The following MYO7B variants were observed in gnomAD, a reference collection of about 807,000 sequenced individuals.
MYO7B encodes unconventional myosin-VIIb.
Under a neutral mutation model 259.7 loss-of-function variants are expected in MYO7B, and 212 were observed. The ratio of observed to expected loss-of-function variants is 0.82; its 90% CI spans 0.73 to 0.91. MYO7B has a LOEUF of 0.91. Among genes scored for constraint, MYO7B ranks in the 40% least tolerant of loss-of-function variants. The pLI is 0.00. For synonymous variants in MYO7B, 1,197 were observed against 1,166.4 expected (o/e 1.03, Z -0.54); for missense variants, 2,732 against 2,813.5 (o/e 0.97, Z 0.66).
rs755647856 is a variant in MYO7B at position 127,607,331 on chromosome 2, G to C, written c.2550G>C (p.Gln850His). 6.4e-7 allele frequency: 1 copy of C among 1,551,454 alleles called. No individual in the cohort carries two copies. Among genetic ancestry groups the C allele is most frequent in the Non-Finnish European group, 8.7e-7 (1 of 1,146,868 alleles). The change falls in exon 21 of 48, where the codon CAG becomes CAC. Residue 850 changes from glutamine (Q) to histidine (H), a missense_variant. By Grantham distance (24) the Gln-to-His change is conservative. Transcript: ENST00000409816. The surrounding 1 kb of genome is among the most constrained non-coding windows in gnomAD (Gnocchi z 4.4). ...TGTGCAGGGGATACCTGGTGCGCCA[G>C]CAAGTCCAGGCCAAGAGGAGGGCAG... ...QALCRGYLVR[Q>H]QVQAKRRAVV...
At chr2:127,592,192 GAGACC>G (rs1332065036) in intron 16 of MYO7B, among the ~76,000 whole-genome samples, 1 of 152,158 alleles carries the variant, frequency 6.6e-6, no homozygotes, top group Non-Finnish European at 1.5e-5. Context: ...TCAGGAGTTG[GAGACC>G]AGCCTGGCCA....
At chr2:127,583,002 G>A (rs992982738) in intron 12 of MYO7B, among the ~76,000 whole-genome samples, 10 of 152,204 alleles carry the variant, frequency 6.6e-5, no homozygotes, top group Admixed American at 5.9e-4. Context: ...GGTGGTGAGG[G>A]GACCAGGCAA....
intron 20 of MYO7B, among the ~76,000 whole-genome samples, chr2:127,606,907 C>G (rs989176807): frequency 1.3e-5 from 2 of 152,252 alleles, no homozygotes; most frequent in Non-Finnish European, 2.9e-5. Flanking sequence ...CCATTTCACC[C>G]ATGTGAAATC....
In MYO7B at chr2:127,612,514, G is replaced by A. The variant is rs1174599393; in HGVS notation, c.3309G>A (p.Glu1103=). 3 of 1,567,840 alleles carry A rather than the reference G, an allele frequency of 1.9e-6. No homozygotes were observed. The African/African-American group carries it at 4.1e-5, about 21-fold the overall frequency. ...SQLNIGEEAL[E]PDGLGADRPM... ...TGAACATTGGAGAGGAGGCATTGGA[G>A]CCTGATGGCCTTGGTGCAGACCGGC... Residue 1103 remains glutamate, a synonymous_variant, in exon 26 of 48, where the codon GAG becomes GAA. Coordinates refer to ENST00000409816, the MANE Select transcript of MYO7B (RefSeq NM_001393586.1).
At position 127,542,344 on chromosome 2, in the gene MYO7B, C is replaced by A. The variant is rs138311299; in HGVS notation, c.-24+6513C>A. ...TTTTTCTCTGGTGTGCACTGACAAC[C>A]CCAGCACCACTGAGAGTGGGGCTGC... On this transcript the variant is annotated intron_variant, in intron 1 of 47. Transcript: ENST00000409816. Among the ~76,000 whole-genome samples the A allele has an allele frequency of 1.4e-3, 207 of 152,276 alleles. 3 individuals carry two copies. In the South Asian group the frequency reaches 0.016, roughly 12 times the overall value.
In MYO7B at chr2:127,620,455, A is replaced by AGGTTCATGAAGGTGAGAG. The variant is rs755074422; in HGVS notation, c.3525+2_3525+19dup. ...CCTCGGCTGCTTCCCACCCTCAGAG[A>AGGTTCATGAAGGTGAGAG]GGTTCATGAAGGTGAGAGGGTTCAT... On this transcript the variant is annotated inframe_insertion, in exon 27 of 48. Coordinates refer to ENST00000409816, the MANE Select transcript of MYO7B (RefSeq NM_001393586.1). 8 of 1,257,292 alleles carry AGGTTCATGAAGGTGAGAG rather than the reference A, an allele frequency of 6.4e-6. No homozygotes were observed. The Admixed American group carries it at 8.1e-5, about 13-fold the overall frequency. The allele number at this position is 1,257,292 out of a possible 1,614,324, so 77.9% of individuals were successfully genotyped here.
At position 127,617,457 on chromosome 2, in the gene MYO7B, A is replaced by ACCTTAT; in HGVS notation, c.3399-2882_3399-2877dup. Among the ~76,000 whole-genome samples the ACCTTAT allele has an allele frequency of 2.1e-5, 3 of 142,768 alleles. No homozygotes were observed. The East Asian group carries it at 6.1e-4, about 29-fold the overall frequency. The allele number at this position is 142,768 out of a possible 152,430, so 93.7% of individuals were successfully genotyped here. ...TGACCAGTACCTTTTTAAAGCACTG[A>ACCTTAT]CCTTATGCTGCCAGCAGACTTGTAA... On this transcript the variant is annotated intron_variant, in intron 26 of 47. Coordinates refer to ENST00000409816, the MANE Select transcript of MYO7B (RefSeq NM_001393586.1).
chr2:127,543,185 T>C (rs1418556257), intron 1 of MYO7B, among the ~76,000 whole-genome samples: 1 of 152,170 alleles, frequency 6.6e-6, no homozygotes, highest in Admixed American at 6.5e-5. Flanking sequence ...TATCTCAGGC[T>C]ATCACATGGG....
intron 29 of MYO7B, 29 bp downstream of exon 29, chr2:127,623,404 C>T (rs1476184494): frequency 2.6e-6 from 4 of 1,531,356 alleles, no homozygotes; most frequent in Admixed American, 3.8e-5. Flanking sequence ...GCCCGTCAGC[C>T]GCCTCCCTCA....
intron 19 of MYO7B, among the ~76,000 whole-genome samples, chr2:127,603,586 A>G (rs1260020352): frequency 1.3e-5 from 2 of 152,190 alleles, no homozygotes; most frequent in Non-Finnish European, 2.9e-5. Flanking sequence ...ATGTGCTGTC[A>G]CCCAGGCTTT....
Position 127,592,774 on chromosome 2 carries a change from C to G in MYO7B, c.1993-20C>G. On this transcript the variant is annotated intron_variant, in intron 16 of 47. Coordinates refer to ENST00000409816, the MANE Select transcript of MYO7B (RefSeq NM_001393586.1). ...GAAAGTGGGGCTTGCGCTGGGTCAG[C>G]GCCCGGTGTCCGCCCACAGCTGTTC... The G allele has an allele frequency of 6.2e-7, 1 of 1,600,538 alleles. No individual in the cohort carries two copies. Among genetic ancestry groups the G allele is most frequent in the Non-Finnish European group, 8.5e-7 (1 of 1,174,296 alleles).
At chr2:127,608,902 A>G (rs1339987326) in intron 22 of MYO7B, 24 bp downstream of exon 22, 2 of 1,601,068 alleles carry the variant, frequency 1.2e-6, no homozygotes, top group Non-Finnish European at 1.7e-6. Context: ...GGTGTCCACA[A>G]TCCGCCCCGG....
rs1573737811 is a variant in MYO7B at position 127,637,484 on chromosome 2, C to A, written c.*67C>A. 3.3e-6 allele frequency: 4 copies of A among 1,212,270 alleles called. No individual in the cohort carries two copies. Among genetic ancestry groups the A allele is most frequent in the Non-Finnish European group, 4.5e-6 (4 of 884,260 alleles). 75.1% of individuals were successfully genotyped at this position (1,212,270 alleles called of 1,614,324 possible). A position where few individuals can be genotyped will look rare whatever the true frequency, so the allele number is the denominator to read the frequency against. On this transcript the variant is annotated 3_prime_UTR_variant, in exon 48 of 48. Coordinates refer to ENST00000409816, the MANE Select transcript of MYO7B (RefSeq NM_001393586.1). ...TCTAGCCTGGCGGCACCTTCCCAGG[C>A]CCTCTCAACCCAGGGCCTGTCCTTG...
chr2:127,575,702 G>C (rs935629166), intron 7 of MYO7B, among the ~76,000 whole-genome samples: 1 of 152,100 alleles, frequency 6.6e-6, no homozygotes, highest in Non-Finnish European at 1.5e-5. Context: ...GGATGGAAAG[G>C]AGCTCTCATT....
At chr2:127,593,681 T>TG in intron 18 of MYO7B, 37 bp downstream of exon 18, 1 of 1,583,652 alleles carries the variant, frequency 6.3e-7, no homozygotes, top group African/African-American at 1.3e-5. Flanking sequence ...GTCGGCCTCC[T>TG]GCAGCATGTG....
In MYO7B at chr2:127,636,292, C is replaced by T. The variant is rs1188011172; in HGVS notation, c.6091C>T (p.Pro2031Ser). The T allele has an allele frequency of 2.5e-6, 4 of 1,613,366 alleles. No homozygotes were observed. The highest frequency in any genetic ancestry group is 3.4e-6 in the Non-Finnish European group (4 of 1,179,772). Residue 2031 changes from proline (P) to serine (S), a missense_variant, in exon 45 of 48, where the codon CCC becomes TCC. Physicochemically the swap from Pro to Ser is moderately conservative, Grantham distance 74. This residue lies in a region of MYO7B where 821 missense variants were observed against 769.3 expected (regional missense o/e 1.07). Coordinates refer to ENST00000409816, the MANE Select transcript of MYO7B (RefSeq NM_001393586.1). This position sits in a 1 kb window ranked among gnomAD's most constrained non-coding sequence, Gnocchi z 4.5. ...VAFLKWICRW[P>S]TFGSAFFEVK... is the part of the protein sequence containing the mutation. The stretch of plus-strand genomic sequence containing the variant: ...CTTCCTGAAGTGGATCTGCCGGTGG[C>T]CCACCTTCGGATCCGCCTTCTTCGA...
intron 1 of MYO7B, among the ~76,000 whole-genome samples, chr2:127,552,196 A>T (rs1323687229): frequency 6.6e-6 from 1 of 152,186 alleles, no homozygotes; most frequent in Non-Finnish European, 1.5e-5. Flanking sequence ...ACGCATAATA[A>T]TTGTACATAT....
chr2:127,607,147 C>G lies in MYO7B; in HGVS notation c.2425-59C>G, dbSNP rs116229328. On this transcript the variant is annotated intron_variant, in intron 20 of 47. Transcript: ENST00000409816. This position sits in a 1 kb window ranked among gnomAD's most constrained non-coding sequence, Gnocchi z 4.4. ...GCACTGCCTCCTGGGGAGCACCCCT[C>G]TCTGTTTCCTGGGGAAGGCCTTCTT... is the stretch of plus-strand genomic sequence containing the variant. The G allele has an allele frequency of 6.1e-6, 9 of 1,476,688 alleles. No homozygotes were observed. The highest frequency in any genetic ancestry group is 8.2e-6 in the Non-Finnish European group (9 of 1,098,490). 91.5% of individuals were successfully genotyped at this position (1,476,688 alleles called of 1,614,324 possible).
chr2:127,609,386 A>T lies in MYO7B; in HGVS notation c.2815-120A>T. ...AATGTGGGGATGGGTGGTCTCCAGC[A>T]CCTGAGGGATCAGGGTAATGCAACA... On this transcript the variant is annotated intron_variant, in intron 22 of 47. Transcript: ENST00000409816. The surrounding 1 kb of genome is among the most constrained non-coding windows in gnomAD (Gnocchi z 6.9). 1 of 891,240 alleles carries T rather than the reference A, an allele frequency of 1.1e-6. No individual in the cohort carries two copies. The highest frequency in any genetic ancestry group is 1.8e-6 in the Non-Finnish European group (1 of 569,916). The allele number at this position is 891,240 out of a possible 1,614,324, so 55.2% of individuals were successfully genotyped here.
Sources: gnomAD v4.1 joint callset for allele counts (sites outside exome capture counted in the v4.1 genomes callset) on GRCh38, gnomAD v4.1.1 for gene constraint, gnomAD v4.1.1 regional missense constraint, Gnocchi (gnomAD v3.1) non-coding constraint, MANE v1.5 for transcripts, NCBI Gene and HGNC (gene_info 2026-07-23, HGNC 2026-07-21) for gene names.